Variants in PSMD14 observed in about 807,000 individuals in gnomAD.
PSMD14 encodes the protein proteasome 26S subunit, non-ATPase 14, also known as ubiquitin C-terminal hydrolase PSMD14.
In PSMD14, 7 loss-of-function variants were observed where a neutral mutation model predicts 41.2. That is an observed-to-expected ratio of 0.17 (90% confidence interval 0.10 to 0.32). The LOEUF is 0.32. Ranked by LOEUF, PSMD14 falls within the 10% of genes least tolerant of loss-of-function variation. The probability of loss-of-function intolerance (pLI) is 1.00; values close to 1 mark genes in which losing one functional copy is unlikely to be tolerated. For synonymous variants in PSMD14, 114 were observed against 122.3 expected, an observed-to-expected ratio of 0.93 and a Z score of 0.45; for missense variants, 139 against 375.6, an observed-to-expected ratio of 0.37 and a Z score of 5.21.
At position 161,315,929 on chromosome 2, in the gene PSMD14, C is replaced by T. The variant is rs377129712; in HGVS notation, c.-137-508C>T. ...CGCGTTCTCGGCTCATTGCAATCCA[C>T]CTCTGGGGTTCAAGCGATTCTCCTG... is the stretch of plus-strand genomic sequence containing the variant. On this transcript the variant is annotated intron_variant, in intron 1 of 11. Coordinates refer to ENST00000409682, the MANE Select transcript of PSMD14 (RefSeq NM_005805.6). Among the ~76,000 whole-genome samples the T allele has an allele frequency of 8.6e-5, 13 of 150,978 alleles. No individual in the cohort carries two copies. The East Asian group carries it at 1.6e-3, about 18-fold the overall frequency.
intron 2 of PSMD14, among the ~76,000 whole-genome samples, chr2:161,318,464 A>C (rs1689168910): frequency 6.6e-6 from 1 of 152,188 alleles, no homozygotes; most frequent in Admixed American, 6.5e-5. Context: ...AAGGAAATTC[A>C]ATCATACATA....
chr2:161,367,763 C>T (rs1266257474), intron 4 of PSMD14, 21 bp from the exon 5 acceptor site: 1 of 1,609,980 alleles, frequency 6.2e-7, no homozygotes, highest in Non-Finnish European at 8.5e-7. Flanking sequence ...GCTTTGTGTC[C>T]ACATCTCTTC....
chr2:161,346,703 C>T (rs943138019), intron 3 of PSMD14, among the ~76,000 whole-genome samples: 1 of 151,426 alleles, frequency 6.6e-6, no homozygotes, highest in African/African-American at 2.4e-5. Flanking sequence ...GGGGCAGTAC[C>T]TTGTTTAGGA....
At chr2:161,353,089 C>CTTTATTAT in intron 3 of PSMD14, among the ~76,000 whole-genome samples, 2 of 152,248 alleles carry the variant, frequency 1.3e-5, no homozygotes, top group Middle Eastern at 6.8e-3. Flanking sequence ...AGAAAATAAT[C>CTTTATTAT]TGGCTTTAAG....
At position 161,381,183 on chromosome 2, in the gene PSMD14, G is replaced by A. The variant is rs140281821; in HGVS notation, c.463-4281G>A. The stretch of plus-strand genomic sequence containing the variant: ...AAGATTTTAAAAATTATTTCAGTTC[G>A]TCACTTATGTTTACCCCATATATGA... On this transcript the variant is annotated intron_variant, in intron 7 of 11. Coordinates refer to ENST00000409682, the MANE Select transcript of PSMD14 (RefSeq NM_005805.6). Among the ~76,000 whole-genome samples the A allele has an allele frequency of 1.7e-3, 258 of 149,716 alleles. 1 individual carries two copies. Among genetic ancestry groups the A allele is most frequent in the African/African-American group, 6.0e-3 (248 of 41,008 alleles).
At chr2:161,405,538 AAATT>A (rs2105272773) in intron 10 of PSMD14, among the ~76,000 whole-genome samples, 1 of 152,358 alleles carries the variant, frequency 6.6e-6, no homozygotes, top group East Asian at 1.9e-4. Context: ...AGGATTCAGT[AAATT>A]AATATTTGTA....
chr2:161,392,126 C>T (rs1683720562), intron 9 of PSMD14, among the ~76,000 whole-genome samples: 1 of 152,036 alleles, frequency 6.6e-6, no homozygotes, highest in Non-Finnish European at 1.5e-5. Flanking sequence ...CAACTAATGC[C>T]AAGTATTTAA....
intron 1 of PSMD14, among the ~76,000 whole-genome samples, chr2:161,312,650 GATA>G (rs1689103186): frequency 6.6e-6 from 1 of 152,180 alleles, no homozygotes; most frequent in South Asian, 2.1e-4. Flanking sequence ...CATATTGTCT[GATA>G]ATATTTTCCA....
At chr2:161,311,463 G>A (rs1028251475) in intron 1 of PSMD14, among the ~76,000 whole-genome samples, 2 of 152,056 alleles carry the variant, frequency 1.3e-5, no homozygotes, top group African/African-American at 4.8e-5. Flanking sequence ...ATAGGAGGAT[G>A]TGCATAGGTT....
intron 11 of PSMD14, among the ~76,000 whole-genome samples, chr2:161,410,952 A>G (rs1368560267): frequency 6.6e-6 from 1 of 152,132 alleles, no homozygotes; most frequent in Non-Finnish European, 1.5e-5. Context: ...GGTAGAGAAT[A>G]TACACATATA....
chr2:161,325,310 A>T (rs1246146856), intron 3 of PSMD14, among the ~76,000 whole-genome samples: 1 of 152,186 alleles, frequency 6.6e-6, no homozygotes, highest in African/African-American at 2.4e-5. Context: ...TCCGGTGGCT[A>T]GATAAAAAAA....
At chr2:161,314,901 T>C (rs1343314921) in intron 1 of PSMD14, among the ~76,000 whole-genome samples, 1 of 152,240 alleles carries the variant, frequency 6.6e-6, no homozygotes, top group African/African-American at 2.4e-5. Context: ...AGTATTTGTT[T>C]TCAGTTTTAT....
At chr2:161,310,454 T>C (rs1191394442) in intron 1 of PSMD14, among the ~76,000 whole-genome samples, 1 of 152,230 alleles carries the variant, frequency 6.6e-6, no homozygotes, top group African/African-American at 2.4e-5. Flanking sequence ...GATTTCTTGC[T>C]CAGGAACTTG....
intron 3 of PSMD14, among the ~76,000 whole-genome samples, chr2:161,358,683 G>A (rs1008802694): frequency 6.6e-5 from 10 of 152,146 alleles, no homozygotes; most frequent in East Asian, 3.9e-4. Flanking sequence ...GGTGGCTCAC[G>A]CCTGTAATCC....
chr2:161,339,796 A>C (rs1313245455), intron 3 of PSMD14, among the ~76,000 whole-genome samples: 14 of 152,284 alleles, frequency 9.2e-5, no homozygotes, highest in Admixed American at 6.5e-5. Context: ...TAAGCCCTGA[A>C]CCAAAGGTTC....
intron 3 of PSMD14, among the ~76,000 whole-genome samples, chr2:161,365,000 G>T (rs1683339726): frequency 1.3e-5 from 2 of 152,100 alleles, no homozygotes; most frequent in Admixed American, 1.3e-4. Context: ...AGCACCTCAG[G>T]AGGCTGAGAC....
At chr2:161,385,195 C>T (rs1257267744) in intron 7 of PSMD14, 1 of 225,842 alleles carries the variant, frequency 4.4e-6, no homozygotes, top group Non-Finnish European at 8.5e-6. Context: ...TTAGTAATGA[C>T]ATATTTCAAT....
At chr2:161,317,848 G>A (rs1281558642) in intron 2 of PSMD14, among the ~76,000 whole-genome samples, 2 of 152,102 alleles carry the variant, frequency 1.3e-5, no homozygotes, top group Non-Finnish European at 2.9e-5. Flanking sequence ...CATACACTTA[G>A]GAAGAAGAGG....
intron 3 of PSMD14, among the ~76,000 whole-genome samples, chr2:161,335,668 C>G (rs762959507): frequency 6.6e-6 from 1 of 152,096 alleles, no homozygotes; most frequent in East Asian, 1.9e-4. Flanking sequence ...ATTTACAAAC[C>G]GTGTTGTAGT....
Sources: gnomAD v4.1 joint callset for allele counts (sites outside exome capture counted in the v4.1 genomes callset) on GRCh38, gnomAD v4.1.1 for gene constraint, MANE v1.5 for transcripts, NCBI Gene and HGNC (gene_info 2026-07-23, HGNC 2026-07-21) for gene names.